The following SORT1 variants were observed in gnomAD, a reference collection of about 807,000 sequenced individuals.
SORT1 encodes sortilin.
A neutral mutation model predicts 101.7 loss-of-function variants in SORT1; 39 were observed. The observed-to-expected ratio is 0.38, with a 90% confidence interval of 0.30 to 0.50. The LOEUF (loss-of-function observed/expected upper bound fraction) is 0.50. Ranked by LOEUF, SORT1 falls within the 20% of genes least tolerant of loss-of-function variation. The pLI is 0.90. For synonymous variants in SORT1, 396 were observed against 393.7 expected, an observed-to-expected ratio of 1.01 and a Z score of -0.07; for missense variants, 878 against 1,040.4, an observed-to-expected ratio of 0.84 and a Z score of 2.15.
intron 5 of SORT1, 96 bp from the exon 6 acceptor site, chr1:109,351,098 G>A: frequency 1.2e-6 from 1 of 864,642 alleles, no homozygotes. Context: ...TTCAGGACAG[G>A]AAAAACACAT....
Position 109,351,005 on chromosome 1 carries a change from G to T in SORT1, c.709-3C>A. The T allele has an allele frequency of 6.3e-7, 1 of 1,594,364 alleles. No homozygotes were observed. The highest frequency in any genetic ancestry group is 8.6e-7 in the Non-Finnish European group (1 of 1,161,822). On this transcript the variant is annotated splice_region_variant and splice_polypyrimidine_tract_variant and intron_variant, in intron 5 of 19. Coordinates refer to ENST00000256637, the MANE Select transcript of SORT1 (RefSeq NM_002959.7). ...TTCTTGGACACCCACAGGCCATTCT[G>T]AAAGATTATAAATGACTTATCAAAA...
At chr1:109,351,055 C>T in intron 5 of SORT1, 53 bp from the exon 6 acceptor site, 2 of 1,112,586 alleles carry the variant, frequency 1.8e-6, no homozygotes, top group Non-Finnish European at 2.8e-6. Flanking sequence ...TGTGTAGTTG[C>T]TTGTATGACC....
intron 1 of SORT1, among the ~76,000 whole-genome samples, chr1:109,377,620 G>GAA (rs1651946812): frequency 6.6e-6 from 1 of 152,138 alleles, no homozygotes; most frequent in Non-Finnish European, 1.5e-5. Flanking sequence ...GCTAAACATT[G>GAA]GTAAAGATGC....
At chr1:109,327,686 G>T in intron 11 of SORT1, 85 bp from the exon 12 acceptor site, 2 of 857,554 alleles carry the variant, frequency 2.3e-6, no homozygotes, top group Non-Finnish European at 3.5e-6. Flanking sequence ...TTCCAATAAA[G>T]CTTTAAGTTA....
chr1:109,365,072 G>A (rs1170018526), intron 3 of SORT1, among the ~76,000 whole-genome samples: 1 of 152,134 alleles, frequency 6.6e-6, no homozygotes, highest in Non-Finnish European at 1.5e-5. Context: ...ACATCAAAGG[G>A]GAAGGTCAAG....
At chr1:109,315,201 G>A (rs1658959550) in intron 17 of SORT1, among the ~76,000 whole-genome samples, 1 of 152,072 alleles carries the variant, frequency 6.6e-6, no homozygotes, top group Non-Finnish European at 1.5e-5. Flanking sequence ...GAAGAACCAG[G>A]CAGGCCATTA....
intron 1 of SORT1, among the ~76,000 whole-genome samples, chr1:109,396,768 C>T (rs1055207147): frequency 2.6e-5 from 4 of 152,178 alleles, no homozygotes; most frequent in Non-Finnish European, 4.4e-5. Context: ...GCAAATGTGG[C>T]TAGCAAGGAT....
chr1:109,313,873 A>ACCCC lies in SORT1; in HGVS notation c.*166_*169dup. The ACCCC allele has an allele frequency of 3.0e-6, 1 of 334,710 alleles. No homozygotes were observed. The allele number at this position is 334,710 out of a possible 1,614,324, so 20.7% of individuals were successfully genotyped here. On this transcript the variant is annotated 3_prime_UTR_variant, in exon 20 of 20. Transcript: ENST00000256637. ...TGTAAAAAAGTGCTCAGGGTTCCCC[A>ACCCC]CCCCCACCCTGCATTTCTTTAGTGT...
Position 109,341,660 on chromosome 1 carries a change from A to G in SORT1, c.1108+354T>C, listed in dbSNP as rs918305679. On this transcript the variant is annotated intron_variant, in intron 9 of 19. Transcript: ENST00000256637. ...CACTGCGCCCAGCCATAAACCCCTA[A>G]TTTTTTGTCATTAGATCCAACAGAC... 2.0e-5 allele frequency among the ~76,000 whole-genome samples: 3 copies of G among 152,104 alleles called. No homozygotes were observed. In the East Asian group the frequency reaches 5.8e-4, roughly 29 times the overall value.
intron 1 of SORT1, among the ~76,000 whole-genome samples, chr1:109,384,439 A>G (rs968073362): frequency 2.0e-5 from 3 of 152,240 alleles, no homozygotes; most frequent in African/African-American, 7.2e-5. Context: ...GGATATTACA[A>G]GAGGAATTAC....
intron 1 of SORT1, among the ~76,000 whole-genome samples, chr1:109,387,729 G>T (rs987344451): frequency 1.3e-5 from 2 of 152,062 alleles, no homozygotes; most frequent in Non-Finnish European, 2.9e-5. Flanking sequence ...GAGGTGGGTG[G>T]ATCACGAGGT....
rs1046049223 is a variant in SORT1 at position 109,327,502 on chromosome 1, G to A, written c.1471C>T (p.His491Tyr). Residue 491 changes from histidine (H) to tyrosine (Y), a missense_variant, in exon 12 of 20, where the codon CAT becomes TAT. This residue lies in a region of SORT1 where 684 missense variants were observed against 894.5 expected (regional missense o/e 0.76). Transcript: ENST00000256637. The stretch of plus-strand genomic sequence containing the variant: ...TGGTGAGTGGGAGGTTCCTTACCAT[G>A]AGCAATGACAATGCCTACGGCATTC... ...EPNAVGIVIA[H>Y]GSVGDAISVM... 1.3e-6 allele frequency: 2 copies of A among 1,593,432 alleles called. No homozygotes were observed. The highest frequency in any genetic ancestry group is 8.6e-7 in the Non-Finnish European group (1 of 1,166,962).
At chr1:109,353,251 C>T (rs377175178) in intron 5 of SORT1, among the ~76,000 whole-genome samples, 3 of 150,906 alleles carry the variant, frequency 2.0e-5, no homozygotes, top group Non-Finnish European at 2.9e-5. Context: ...GCACTTGTAC[C>T]CGGGAGGCGG....
chr1:109,358,875 A>T (rs1650519565), intron 3 of SORT1, among the ~76,000 whole-genome samples: 1 of 151,956 alleles, frequency 6.6e-6, no homozygotes, highest in South Asian at 2.1e-4. Flanking sequence ...AAAAAGAAAC[A>T]AGTCTTTTTA....
At chr1:109,382,026 TA>T (rs1353015812) in intron 1 of SORT1, among the ~76,000 whole-genome samples, 1 of 151,738 alleles carries the variant, frequency 6.6e-6, no homozygotes, top group Non-Finnish European at 1.5e-5. Flanking sequence ...GAAATCATTT[TA>T]AAAATAAAAC....
intron 13 of SORT1, among the ~76,000 whole-genome samples, chr1:109,326,640 G>A (rs1387799990): frequency 2.0e-5 from 3 of 146,622 alleles, no homozygotes; most frequent in African/African-American, 7.6e-5. Flanking sequence ...TTAGAGACAA[G>A]GGACAAGGTC....
intron 3 of SORT1, among the ~76,000 whole-genome samples, chr1:109,363,520 CATAT>C (rs1468793535): frequency 6.6e-6 from 1 of 152,090 alleles, no homozygotes; most frequent in African/African-American, 2.4e-5. Flanking sequence ...CATACACATA[CATAT>C]AATCTCCCAA....
At chr1:109,328,691 A>G (rs1435933924) in intron 11 of SORT1, among the ~76,000 whole-genome samples, 1 of 152,212 alleles carries the variant, frequency 6.6e-6, no homozygotes, top group Non-Finnish European at 1.5e-5. Context: ...TTATTTTTGC[A>G]TTACATCAAA....
chr1:109,315,884 A>G (rs1647197774), intron 17 of SORT1, among the ~76,000 whole-genome samples: 1 of 150,498 alleles, frequency 6.6e-6, no homozygotes, highest in Non-Finnish European at 1.5e-5. Context: ...CAGCCTCCTG[A>G]GTAGCTGGGA....
Sources: gnomAD v4.1 joint callset for allele counts (sites outside exome capture counted in the v4.1 genomes callset) on GRCh38, gnomAD v4.1.1 for gene constraint, gnomAD v4.1.1 regional missense constraint, MANE v1.5 for transcripts, NCBI Gene and HGNC (gene_info 2026-07-23, HGNC 2026-07-21) for gene names.